CEP83: variants seen among roughly 807,000 people sequenced by gnomAD.
The protein encoded by CEP83 is centrosomal protein of 83 kDa.
A neutral mutation model predicts 101.9 loss-of-function variants in CEP83; 70 were observed. The ratio of observed to expected loss-of-function variants is 0.69; its 90% CI spans 0.57 to 0.84. The LOEUF is 0.84. CEP83 is among the 40% of genes least tolerant of loss of function. The probability of loss-of-function intolerance (pLI) is 0.00; values close to 1 mark genes in which losing one functional copy is unlikely to be tolerated. For missense variants in CEP83, 715 were observed against 787.2 expected (o/e 0.91, Z 1.10); for synonymous variants, 264 against 267.9 (o/e 0.99, Z 0.14).
At chr12:94,317,571 T>A (rs1303376071) in intron 14 of CEP83, among the ~76,000 whole-genome samples, 1 of 152,102 alleles carries the variant, frequency 6.6e-6, no homozygotes, top group Non-Finnish European at 1.5e-5. Flanking sequence ...TCTTTAATCC[T>A]TCTTGAGTTG....
the CEP83 span, among the ~76,000 whole-genome samples, chr12:94,288,785 G>A: frequency 6.6e-6 from 1 of 152,220 alleles, no homozygotes; most frequent in African/African-American, 2.4e-5. Flanking sequence ...AGCAATATTG[G>A]CACGTGGCTG....
chr12:94,347,515 T>G (rs186239049), intron 11 of CEP83, among the ~76,000 whole-genome samples: 2 of 152,332 alleles, frequency 1.3e-5, no homozygotes, highest in East Asian at 3.9e-4. Context: ...GTTATAAAAT[T>G]AAATATATAC....
intron 2 of CEP83, among the ~76,000 whole-genome samples, chr12:94,420,574 T>C (rs2064651027): frequency 6.6e-6 from 1 of 152,148 alleles, no homozygotes; most frequent in South Asian, 2.1e-4. Flanking sequence ...TTGTTTTGCA[T>C]GGTTTTTTTT....
intron 6 of CEP83, 83 bp downstream of exon 6, chr12:94,400,767 A>C: frequency 1.2e-6 from 1 of 810,492 alleles, no homozygotes; most frequent in African/African-American, 1.8e-5. Context: ...ATCGACTCTA[A>C]TTTGAAATTT....
rs58303680 is a variant in CEP83 at position 94,437,762 on chromosome 12, C to T, written c.-154-2435G>A. On this transcript the variant is annotated intron_variant, in intron 1 of 16. Coordinates refer to ENST00000397809, the MANE Select transcript of CEP83 (RefSeq NM_016122.3). ...GACTCTTGAAACAATCTCAAAACAT[C>T]AAAATAGAACCTTTCTTAAAGCATA... 5.3e-3 allele frequency among the ~76,000 whole-genome samples: 801 copies of T among 152,272 alleles called. 7 individuals carry two copies. Among genetic ancestry groups the T allele is most frequent in the African/African-American group, 0.018 (743 of 41,554 alleles).
intron 11 of CEP83, among the ~76,000 whole-genome samples, chr12:94,362,972 G>A (rs2060845519): frequency 6.6e-6 from 1 of 152,214 alleles, no homozygotes; most frequent in Non-Finnish European, 1.5e-5. Flanking sequence ...ACATGTGTAA[G>A]CTAAAAAGTT....
intron 7 of CEP83, among the ~76,000 whole-genome samples, chr12:94,378,262 C>T (rs930861039): frequency 3.9e-5 from 6 of 152,100 alleles, no homozygotes; most frequent in Admixed American, 6.6e-5. Context: ...GTCAGGTCTG[C>T]CAACACTTAT....
chr12:94,396,603 C>T (rs138801983), intron 6 of CEP83, among the ~76,000 whole-genome samples: 2 of 151,994 alleles, frequency 1.3e-5, no homozygotes, highest in African/African-American at 4.8e-5. Flanking sequence ...TGTATTTATT[C>T]GTAAGATGAG....
the CEP83 span, among the ~76,000 whole-genome samples, chr12:94,267,454 A>T: frequency 1.3e-5 from 2 of 151,940 alleles, no homozygotes; most frequent in Non-Finnish European, 2.9e-5. Context: ...ATTCATGTCG[A>T]CTCTTGAAAT....
chr12:94,358,460 A>G (rs1353129880), intron 11 of CEP83, among the ~76,000 whole-genome samples: 1 of 152,232 alleles, frequency 6.6e-6, no homozygotes, highest in Non-Finnish European at 1.5e-5. Context: ...TCCAGAACCT[A>G]TACCTTTCAA....
intron 14 of CEP83, among the ~76,000 whole-genome samples, chr12:94,315,480 C>T (rs754063451): frequency 2.4e-4 from 37 of 152,018 alleles, no homozygotes; most frequent in Non-Finnish European, 4.6e-4. Context: ...AGATATGAAT[C>T]GTATGTCAGA....
chr12:94,454,726 C>T (rs906035314), intron 1 of CEP83, among the ~76,000 whole-genome samples: 6 of 152,332 alleles, frequency 3.9e-5, no homozygotes, highest in East Asian at 1.9e-4. Context: ...ACACTCACCA[C>T]GAAGGTCCGC....
intron 14 of CEP83, among the ~76,000 whole-genome samples, chr12:94,321,513 T>G (rs1220528277): frequency 6.6e-6 from 1 of 152,200 alleles, no homozygotes; most frequent in Admixed American, 6.5e-5. Flanking sequence ...TTCCTTTAAC[T>G]GCTGGGCTGC....
At chr12:94,296,843 A>C in the CEP83 span, among the ~76,000 whole-genome samples, 1 of 152,186 alleles carries the variant, frequency 6.6e-6, no homozygotes, top group African/African-American at 2.4e-5. Context: ...TCAGGGTGGG[A>C]ACTGGGTCTT....
intron 11 of CEP83, among the ~76,000 whole-genome samples, chr12:94,346,456 A>G (rs2136692589): frequency 6.6e-6 from 1 of 152,066 alleles, no homozygotes; most frequent in Middle Eastern, 3.4e-3. Context: ...TCAAAAAAAA[A>G]AAAAAAATCC....
At chr12:94,410,495 T>C (rs1224431509) in intron 4 of CEP83, among the ~76,000 whole-genome samples, 1 of 152,194 alleles carries the variant, frequency 6.6e-6, no homozygotes, top group Non-Finnish European at 1.5e-5. Context: ...GAAGTCTCTT[T>C]TATCTGAATT....
chr12:94,399,041 G>C (rs2063085549), intron 6 of CEP83, among the ~76,000 whole-genome samples: 2 of 152,190 alleles, frequency 1.3e-5, no homozygotes, highest in Non-Finnish European at 2.9e-5. Context: ...ACTGAACATA[G>C]AGCCTTATCA....
At chr12:94,341,261 G>A (rs1408831831) in intron 11 of CEP83, among the ~76,000 whole-genome samples, 1 of 151,970 alleles carries the variant, frequency 6.6e-6, no homozygotes, top group Non-Finnish European at 1.5e-5. Flanking sequence ...TAAAGGATCT[G>A]TCAAAGCAGT....
intron 15 of CEP83, chr12:94,312,436 A>C: frequency 3.7e-6 from 1 of 269,048 alleles, no homozygotes; most frequent in Non-Finnish European, 5.7e-6. Context: ...ATATAATGCC[A>C]CTACCAACAA....
Sources: gnomAD v4.1 joint callset for allele counts (sites outside exome capture counted in the v4.1 genomes callset) on GRCh38, gnomAD v4.1.1 for gene constraint, MANE v1.5 for transcripts, NCBI Gene and HGNC (gene_info 2026-07-23, HGNC 2026-07-21) for gene names.